Variants in TRIM62 observed in about 807,000 individuals in gnomAD.
TRIM62 encodes tripartite motif containing 62.
TRIM62 carries 39 observed loss-of-function variants against 44.2 expected under a neutral mutation model. The ratio of observed to expected loss-of-function variants is 0.88; its 90% CI spans 0.68 to 1.15. The LOEUF is 1.15. TRIM62 is among the 50% of genes most tolerant of loss of function. The probability of loss-of-function intolerance (pLI) is 0.00; values close to 1 mark genes in which losing one functional copy is unlikely to be tolerated. For synonymous variants in TRIM62, 278 were observed against 292.3 expected (o/e 0.95, Z 0.50); for missense variants, 544 against 665.5 (o/e 0.82, Z 2.01).
Position 33,181,679 on chromosome 1 carries a change from G to T in TRIM62, c.-247C>A. 1.7e-6 allele frequency: 1 copy of T among 595,080 alleles called. No homozygotes were observed. The highest frequency in any genetic ancestry group is 2.8e-6 in the Non-Finnish European group (1 of 359,674). The allele number at this position is 595,080 out of a possible 1,614,324, so 36.9% of individuals were successfully genotyped here. A position where few individuals can be genotyped will look rare whatever the true frequency, so the allele number is the denominator to read the frequency against. On this transcript the variant is annotated 5_prime_UTR_variant, in exon 1 of 5. Coordinates refer to ENST00000291416, the MANE Select transcript of TRIM62 (RefSeq NM_018207.3). This position sits in a 1 kb window ranked among gnomAD's most constrained non-coding sequence, Gnocchi z 6.5. ...CTAGAGGTAGTGGGCAGCTCAAGGCGATGGGCGCTGGGAGGAGGCTGTGAG... is the reference window on the plus strand; with the variant it reads ...CTAGAGGTAGTGGGCAGCTCAAGGCTATGGGCGCTGGGAGGAGGCTGTGAG...
intron 4 of TRIM62, among the ~76,000 whole-genome samples, chr1:33,156,589 C>T (rs1246181748): frequency 6.6e-6 from 1 of 152,138 alleles, no homozygotes; most frequent in Non-Finnish European, 1.5e-5. Flanking sequence ...AGGAGTGTTC[C>T]GGGGCTCCTG....
chr1:33,159,932 T>C lies in TRIM62; in HGVS notation c.517A>G (p.Ser173Gly), dbSNP rs1432382398. 1.2e-6 allele frequency: 2 copies of C among 1,604,284 alleles called. No individual in the cohort carries two copies. The highest frequency in any genetic ancestry group is 2.2e-5 in the East Asian group (1 of 44,870). ...QLAETKSSTK[S>G]LRTTIGEAFE... ...GCCTCGCCGATAGTGGTCCGCAGGC[T>C]CTTGGTGGAAGACTGTGGGGGACAG... is the stretch of plus-strand genomic sequence containing the variant. The change falls in exon 3 of 5, where the codon AGC becomes GGC. Residue 173 changes from serine to glycine, a missense_variant. Transcript: ENST00000291416. This position sits in a 1 kb window ranked among gnomAD's most constrained non-coding sequence, Gnocchi z 4.2.
At chr1:33,158,424 C>T in intron 3 of TRIM62, 56 bp from the exon 4 acceptor site, 3 of 1,499,764 alleles carry the variant, frequency 2.0e-6, no homozygotes, top group Non-Finnish European at 2.8e-6. Flanking sequence ...TGCCCCAATG[C>T]CAGGGGCCCC....
At chr1:33,158,504 G>A in intron 3 of TRIM62, 136 bp from the exon 4 acceptor site, 5 of 648,830 alleles carry the variant, frequency 7.7e-6, no homozygotes, top group South Asian at 3.5e-5. Flanking sequence ...TCAGATTCAA[G>A]TGCCTGCTTG....
At position 33,181,613 on chromosome 1, in the gene TRIM62, C is replaced by G. The variant is rs1442871102; in HGVS notation, c.-181G>C. On this transcript the variant is annotated 5_prime_UTR_variant, in exon 1 of 5. Coordinates refer to ENST00000291416, the MANE Select transcript of TRIM62 (RefSeq NM_018207.3). The surrounding 1 kb of genome is among the most constrained non-coding windows in gnomAD (Gnocchi z 6.5). ...AGGAGGGTAACGCGAGGAAGGGGTG[C>G]GCGGCTGAGACTCCGTGGGACGCCA... 8.4e-7 allele frequency: 1 copy of G among 1,184,396 alleles called. No homozygotes were observed. Among genetic ancestry groups the G allele is most frequent in the African/African-American group, 1.6e-5 (1 of 61,546 alleles). 73.4% of individuals were successfully genotyped at this position (1,184,396 alleles called of 1,614,324 possible).
At chr1:33,174,799 G>A (rs1645400940) in intron 1 of TRIM62, among the ~76,000 whole-genome samples, 1 of 152,098 alleles carries the variant, frequency 6.6e-6, no homozygotes, top group Admixed American at 6.5e-5. Context: ...TATCTTTCGG[G>A]ACCACACAGG....
In TRIM62 at chr1:33,177,055, A is replaced by ATG. The variant is rs1557763436; in HGVS notation, c.408+3969_408+3970insCA. ...CATACACATGCACACACACACGCAC[A>ATG]CACACACACATGCACACACACACAT... is the stretch of plus-strand genomic sequence containing the variant. On this transcript the variant is annotated intron_variant, in intron 1 of 4. Transcript: ENST00000291416. The surrounding 1 kb of genome is among the most constrained non-coding windows in gnomAD (Gnocchi z 4.1). Among the ~76,000 whole-genome samples, 10 of 87,888 alleles carry ATG rather than the reference A, an allele frequency of 1.1e-4. No individual in the cohort carries two copies. The highest frequency in any genetic ancestry group is 3.8e-4 in the South Asian group (1 of 2,632). The allele number at this position is 87,888 out of a possible 152,430, so 57.7% of individuals were successfully genotyped here.
chr1:33,163,371 AACT>A (rs1313125927), intron 2 of TRIM62: 1 of 151,724 alleles, frequency 6.6e-6, no homozygotes, highest in Non-Finnish European at 1.5e-5. Flanking sequence ...CTTTTTTTAT[AACT>A]ACTTATTGTG....
intron 1 of TRIM62, chr1:33,176,536 G>T (rs1476191969): frequency 2.2e-5 from 14 of 639,086 alleles, no homozygotes; most frequent in Non-Finnish European, 3.8e-5. Flanking sequence ...CTCTCTGGGG[G>T]TTAGGAACCT....
chr1:33,174,809 G>T (rs1012472805), intron 1 of TRIM62, among the ~76,000 whole-genome samples: 14 of 151,924 alleles, frequency 9.2e-5, no homozygotes, highest in Non-Finnish European at 1.8e-4. Context: ...GACCACACAG[G>T]GCCAGGTCTT....
intron 2 of TRIM62, chr1:33,162,924 G>A (rs1389685411): frequency 6.6e-6 from 1 of 152,240 alleles, no homozygotes; most frequent in Non-Finnish European, 1.5e-5. Context: ...TGGGACTTCA[G>A]GTTGGTCCCT....
Position 33,181,364 on chromosome 1 carries a change from G to A in TRIM62, c.69C>T (p.Ser23=). 1 of 1,597,352 alleles carries A rather than the reference G, an allele frequency of 6.3e-7. No individual in the cohort carries two copies. ...ICLSIYQDPV[S]LGCEHYFCRR... is the part of the protein sequence containing the mutation. ...GGCAGAAGTAATGCTCGCAGCCCAG[G>A]CTCACCGGGTCCTGGTAGATGCTCA... Residue 23 remains serine, a synonymous_variant, in exon 1 of 5, where the codon AGC becomes AGT. Coordinates refer to ENST00000291416, the MANE Select transcript of TRIM62 (RefSeq NM_018207.3). The surrounding 1 kb of genome is among the most constrained non-coding windows in gnomAD (Gnocchi z 6.5).
At chr1:33,162,913 G>A (rs1645288151) in intron 2 of TRIM62, 1 of 152,316 alleles carries the variant, frequency 6.6e-6, no homozygotes, top group Admixed American at 6.5e-5. Flanking sequence ...TTTTCTAGCT[G>A]TGGGACTTCA....
At position 33,181,458 on chromosome 1, in the gene TRIM62, G is replaced by A. The variant is rs776495877; in HGVS notation, c.-26C>T. 4 of 1,566,570 alleles carry A rather than the reference G, an allele frequency of 2.6e-6. No homozygotes were observed. The highest frequency in any genetic ancestry group is 3.8e-5 in the Admixed American group (2 of 53,176). On this transcript the variant is annotated 5_prime_UTR_variant, in exon 1 of 5. Transcript: ENST00000291416. The surrounding 1 kb of genome is among the most constrained non-coding windows in gnomAD (Gnocchi z 6.5). ...GGCGCCAGGGGCAGCAGAGAGGGGGGCCCGAGGGGCAGGGGGGCGGCTGAG... is the reference window on the plus strand; with the variant it reads ...GGCGCCAGGGGCAGCAGAGAGGGGGACCCGAGGGGCAGGGGGGCGGCTGAG...
chr1:33,175,207 T>A (rs1001540220), intron 1 of TRIM62, among the ~76,000 whole-genome samples: 1 of 105,342 alleles, frequency 9.5e-6, no homozygotes, highest in Non-Finnish European at 1.7e-5. Context: ...GCCCAGCTAA[T>A]TTTTTTTTTT....
chr1:33,175,809 C>A lies in TRIM62; in HGVS notation c.408+5216G>T, dbSNP rs1157637897. 2.0e-5 allele frequency among the ~76,000 whole-genome samples: 3 copies of A among 152,214 alleles called. No individual in the cohort carries two copies. The South Asian group carries it at 6.2e-4, about 32-fold the overall frequency. On this transcript the variant is annotated intron_variant, in intron 1 of 4. Transcript: ENST00000291416. Reference sequence around the variant, plus strand: ...TGCCTATAACACAGCACCTGGCACACAGTAAGTGCCCCATAACTTACTTTG... The same window carrying A: ...TGCCTATAACACAGCACCTGGCACAAAGTAAGTGCCCCATAACTTACTTTG...
intron 4 of TRIM62, among the ~76,000 whole-genome samples, chr1:33,152,389 A>G (rs1645111991): frequency 6.6e-6 from 1 of 152,140 alleles, no homozygotes; most frequent in Non-Finnish European, 1.5e-5. Context: ...AACATGTAGA[A>G]ACCCTGTCTC....
intron 1 of TRIM62, among the ~76,000 whole-genome samples, chr1:33,174,302 C>T (rs1466319647): frequency 2.6e-5 from 4 of 152,178 alleles, no homozygotes; most frequent in Non-Finnish European, 4.4e-5. Flanking sequence ...CCACCTCAGC[C>T]TCCCAAATAG....
chr1:33,164,905 C>T (rs1379728093), intron 2 of TRIM62: 5 of 152,208 alleles, frequency 3.3e-5, no homozygotes, highest in African/African-American at 9.6e-5. Flanking sequence ...GTCTCAGTCT[C>T]CAGAGTAGCT....
Sources: allele counts gnomAD v4.1 joint callset (sites outside exome capture counted in the v4.1 genomes callset), GRCh38; gene constraint gnomAD v4.1.1; non-coding constraint Gnocchi (gnomAD v3.1); transcripts MANE v1.5; gene names NCBI Gene and HGNC (gene_info 2026-07-23, HGNC 2026-07-21).